CHST11: variants seen among roughly 807,000 people sequenced by gnomAD.
CHST11 encodes carbohydrate sulfotransferase 11.
In CHST11, 9 loss-of-function variants were observed where a neutral mutation model predicts 30.4. The observed-to-expected ratio is 0.30, with a 90% CI of 0.18 to 0.52. The LOEUF is 0.52. CHST11 is among the 20% of genes least tolerant of loss of function. CHST11 has a pLI of 0.97. For missense variants in CHST11, 348 were observed against 460.6 expected (o/e 0.76, Z 2.24); for synonymous variants, 152 against 187.8 (o/e 0.81, Z 1.56).
chr12:104,545,219 C>G (rs966533646), intron 1 of CHST11, among the ~76,000 whole-genome samples: 4 of 152,228 alleles, frequency 2.6e-5, no homozygotes, highest in Admixed American at 6.5e-5. Flanking sequence ...TTCCTCCACA[C>G]TCAGAGGTTT....
Position 104,573,516 on chromosome 12 carries a change from A to T in CHST11, c.119-28390A>T, listed in dbSNP as rs529090324. 6.6e-5 allele frequency among the ~76,000 whole-genome samples: 10 copies of T among 152,352 alleles called. 1 individual carries two copies. The highest frequency in any genetic ancestry group is 6.5e-4 in the Admixed American group (10 of 15,304). ...GGTGCTGGTACCAAAACAGAGATAT[A>T]GACCAATGGAACAGAACAGAGCCCT... On this transcript the variant is annotated intron_variant, in intron 1 of 2. Coordinates refer to ENST00000303694, the MANE Select transcript of CHST11 (RefSeq NM_018413.6).
At chr12:104,482,821 C>T (rs1370441972) in intron 1 of CHST11, among the ~76,000 whole-genome samples, 1 of 152,154 alleles carries the variant, frequency 6.6e-6, no homozygotes, top group Admixed American at 6.5e-5. Flanking sequence ...TGCATCCCCC[C>T]ACTTAAGACT....
chr12:104,757,207 G>A lies in CHST11; in HGVS notation c.463G>A (p.Ala155Thr), dbSNP rs568223914. 1 of 1,614,102 alleles carries A rather than the reference G, an allele frequency of 6.2e-7. No individual in the cohort carries two copies. Among genetic ancestry groups the A allele is most frequent in the Admixed American group, 1.7e-5 (1 of 60,016 alleles). Residue 155 changes from alanine to threonine, a missense_variant, in exon 3 of 3, where the codon GCA becomes ACA. Transcript: ENST00000303694. This position sits in a 1 kb window ranked among gnomAD's most constrained non-coding sequence, Gnocchi z 6.5. The part of the protein sequence containing the change: ...SDPMEIPANE[A>T]HVSANLKTLN... ...CCCCATGGAGATCCCGGCCAACGAG[G>A]CACACGTCTCCGCCAACCTGAAGAC...
intron 1 of CHST11, among the ~76,000 whole-genome samples, chr12:104,544,778 C>CGCCCCCCCCCCCG (rs1555231414): frequency 9.6e-6 from 1 of 104,018 alleles, no homozygotes; most frequent in Admixed American, 9.9e-5. Flanking sequence ...GTCCCCCCAC[C>CGCCCCCCCCCCCG]CCGGAGATAA....
intron 2 of CHST11, among the ~76,000 whole-genome samples, chr12:104,717,710 G>A (rs992874784): frequency 2.0e-5 from 3 of 152,170 alleles, no homozygotes; most frequent in Non-Finnish European, 4.4e-5. Flanking sequence ...GGCGGAGGTT[G>A]CAGTGAGCCG....
At chr12:104,661,006 G>A (rs7305698) in intron 2 of CHST11, among the ~76,000 whole-genome samples, 5,472 of 152,192 alleles carry the variant, frequency 0.036, 308 homozygotes, top group African/African-American at 0.12. Context: ...TCCTCAGCTC[G>A]ATCCACTCTG....
chr12:104,692,435 G>A (rs992091349), intron 2 of CHST11, among the ~76,000 whole-genome samples: 1 of 152,216 alleles, frequency 6.6e-6, no homozygotes, highest in Admixed American at 6.5e-5. Flanking sequence ...TCAGTGTTTT[G>A]CATATATTAA....
intron 2 of CHST11, among the ~76,000 whole-genome samples, chr12:104,665,843 C>T (rs1424584376): frequency 9.4e-5 from 8 of 84,936 alleles, no homozygotes; most frequent in African/African-American, 2.9e-4. Context: ...TTTTTTGAGA[C>T]GGAATCTTGC....
At chr12:104,529,793 C>CA (rs2038163091) in intron 1 of CHST11, among the ~76,000 whole-genome samples, 1 of 152,188 alleles carries the variant, frequency 6.6e-6, no homozygotes, top group Admixed American at 6.5e-5. Flanking sequence ...GGCCAAAGCT[C>CA]AATCATGTGA....
At chr12:104,617,569 G>C (rs2039120302) in intron 2 of CHST11, among the ~76,000 whole-genome samples, 1 of 152,150 alleles carries the variant, frequency 6.6e-6, no homozygotes, top group Non-Finnish European at 1.5e-5. Flanking sequence ...GGGATTTTGA[G>C]CAAGTAATTC....
chr12:104,498,153 C>T (rs2037818678), intron 1 of CHST11, among the ~76,000 whole-genome samples: 1 of 152,048 alleles, frequency 6.6e-6, no homozygotes, highest in African/African-American at 2.4e-5. Context: ...CTCCTGACCT[C>T]AAGTGATCCA....
In CHST11 at chr12:104,757,621, G is replaced by T. The variant is rs1482069541; in HGVS notation, c.877G>T (p.Ala293Ser). 1.2e-6 allele frequency: 2 copies of T among 1,614,162 alleles called. No homozygotes were observed. Among genetic ancestry groups the T allele is most frequent in the East Asian group, 2.2e-5 (1 of 44,882 alleles). ...GGATTCTAATTACGTCCTGCAGCTG[G>T]CAGGAGTGGGCAGCTACCTGAAGTT... ...EEDSNYVLQL[A>S]GVGSYLKFPT... Residue 293 changes from alanine to serine, a missense_variant, in exon 3 of 3, where the codon GCA becomes TCA. Physicochemically the swap from Ala to Ser is moderately conservative, Grantham distance 99 (BLOSUM62 1). Transcript: ENST00000303694. This position sits in a 1 kb window ranked among gnomAD's most constrained non-coding sequence, Gnocchi z 6.5.
At chr12:104,710,802 A>G (rs2040081063) in intron 2 of CHST11, among the ~76,000 whole-genome samples, 1 of 152,208 alleles carries the variant, frequency 6.6e-6, no homozygotes, top group Admixed American at 6.5e-5. Context: ...TCCCATAGGT[A>G]TATGGGCAGG....
chr12:104,639,753 A>G lies in CHST11; in HGVS notation c.204+37762A>G, dbSNP rs376307186. ...GTAGTGTTTGGCCCTCTGATGTCAAAAGGTCACCTCTCATGCCTTTGTGCA... is the reference window on the plus strand; with the variant it reads ...GTAGTGTTTGGCCCTCTGATGTCAAGAGGTCACCTCTCATGCCTTTGTGCA... On this transcript the variant is annotated intron_variant, in intron 2 of 2. Transcript: ENST00000303694. Among the ~76,000 whole-genome samples, 4 of 152,312 alleles carry G rather than the reference A, an allele frequency of 2.6e-5. No homozygotes were observed. In the East Asian group the frequency reaches 5.8e-4, roughly 22 times the overall value.
At chr12:104,661,385 T>C (rs1011031694) in intron 2 of CHST11, among the ~76,000 whole-genome samples, 3 of 151,896 alleles carry the variant, frequency 2.0e-5, no homozygotes, top group African/African-American at 7.3e-5. Context: ...ATACCCCATC[T>C]CTACTACTAC....
chr12:104,549,541 C>T (rs887106147), intron 1 of CHST11, among the ~76,000 whole-genome samples: 2 of 152,078 alleles, frequency 1.3e-5, no homozygotes, highest in African/African-American at 4.8e-5. Context: ...TTATGGGTTC[C>T]ACCTCCTAAG....
At chr12:104,574,917 C>T (rs1012082076) in intron 1 of CHST11, among the ~76,000 whole-genome samples, 14 of 151,762 alleles carry the variant, frequency 9.2e-5, no homozygotes, top group African/African-American at 3.1e-4. Flanking sequence ...AGAGGCCGGG[C>T]GTGGTGACTC....
At chr12:104,567,953 C>T (rs1371414808) in intron 1 of CHST11, among the ~76,000 whole-genome samples, 1 of 152,154 alleles carries the variant, frequency 6.6e-6, no homozygotes, top group Admixed American at 6.5e-5. Flanking sequence ...CTTGGACTTC[C>T]CAGCCTCCAG....
chr12:104,476,619 C>T (rs2135957899), intron 1 of CHST11, among the ~76,000 whole-genome samples: 1 of 152,104 alleles, frequency 6.6e-6, no homozygotes, highest in South Asian at 2.1e-4. Flanking sequence ...ATGTCCCTTT[C>T]AGATAAAATT....
Sources: gnomAD v4.1 joint callset for allele counts (sites outside exome capture counted in the v4.1 genomes callset) on GRCh38, gnomAD v4.1.1 for gene constraint, Gnocchi (gnomAD v3.1) non-coding constraint, MANE v1.5 for transcripts, NCBI Gene and HGNC (gene_info 2026-07-23, HGNC 2026-07-21) for gene names.